DNM3: variants seen among roughly 807,000 people sequenced by gnomAD.
DNM3 encodes the protein dynamin 3, also known as dynamin-3.
In DNM3, 47 loss-of-function variants were observed where a neutral mutation model predicts 101.6. The observed-to-expected ratio is 0.46, with a 90% CI of 0.37 to 0.59. The LOEUF is 0.59. Among genes scored for constraint, DNM3 ranks in the 20% least tolerant of loss-of-function variants. The pLI, the probability that DNM3 is intolerant of heterozygous loss-of-function variation, is 0.00. For synonymous variants in DNM3, 385 were observed against 387.9 expected, an observed-to-expected ratio of 0.99 and a Z score of 0.09; for missense variants, 849 against 1,085.7, an observed-to-expected ratio of 0.78 and a Z score of 3.06.
At chr1:172,304,907 C>A (rs925285012) in intron 15 of DNM3, among the ~76,000 whole-genome samples, 1 of 152,120 alleles carries the variant, frequency 6.6e-6, no homozygotes, top group Middle Eastern at 3.2e-3. Context: ...ATTTATAGCA[C>A]TAAATGCCCA....
At chr1:171,974,217 ACAAT>A (rs2044216331) in intron 2 of DNM3, among the ~76,000 whole-genome samples, 2 of 152,238 alleles carry the variant, frequency 1.3e-5, no homozygotes, top group African/African-American at 4.8e-5. Flanking sequence ...ATATGATGAC[ACAAT>A]CAGATCACTG....
At chr1:172,235,263 T>C (rs1046675215) in intron 14 of DNM3, among the ~76,000 whole-genome samples, 13 of 152,266 alleles carry the variant, frequency 8.5e-5, no homozygotes, top group African/African-American at 1.7e-4. Context: ...TCATCACTGG[T>C]CATCAGAGAA....
intron 1 of DNM3, among the ~76,000 whole-genome samples, chr1:171,847,931 T>A (rs1289088276): frequency 1.3e-5 from 2 of 151,382 alleles, no homozygotes; most frequent in Non-Finnish European, 2.9e-5. Context: ...TGTGTGTGTG[T>A]GATCATAGGT....
In DNM3 at chr1:172,070,551, G is replaced by T. The variant is rs182031474; in HGVS notation, c.1422+1646G>T. ...ATTTGTAATCATATCTATGTCAGTTGCTAGCTTCTTCATATTTCAGAGTTT... is the reference window on the plus strand; with the variant it reads ...ATTTGTAATCATATCTATGTCAGTTTCTAGCTTCTTCATATTTCAGAGTTT... On this transcript the variant is annotated intron_variant, in intron 11 of 20. Coordinates refer to ENST00000627582, the MANE Select transcript of DNM3 (RefSeq NM_015569.5). Among the ~76,000 whole-genome samples, 69 of 152,222 alleles carry T rather than the reference G, an allele frequency of 4.5e-4. No homozygotes were observed. In the East Asian group the frequency reaches 9.7e-3, roughly 21 times the overall value.
intron 4 of DNM3, among the ~76,000 whole-genome samples, chr1:172,019,952 C>CTAAT (rs1402242088): frequency 6.6e-6 from 1 of 151,626 alleles, no homozygotes; most frequent in African/African-American, 2.4e-5. Context: ...ATAACTCTAA[C>CTAAT]ATTAGAGTTA....
chr1:171,989,600 A>AT (rs2045503796), intron 4 of DNM3, among the ~76,000 whole-genome samples: 1 of 152,118 alleles, frequency 6.6e-6, no homozygotes, highest in African/African-American at 2.4e-5. Flanking sequence ...GTAAGATATT[A>AT]TTTAGCTTAT....
At chr1:171,964,213 T>C (rs1236320644) in intron 2 of DNM3, among the ~76,000 whole-genome samples, 2 of 152,194 alleles carry the variant, frequency 1.3e-5, no homozygotes, top group African/African-American at 4.8e-5. Flanking sequence ...CCAGGTCTTT[T>C]TCCTGATCCA....
At chr1:172,169,670 T>C (rs1014128118) in intron 14 of DNM3, among the ~76,000 whole-genome samples, 5 of 151,910 alleles carry the variant, frequency 3.3e-5, no homozygotes, top group Admixed American at 3.3e-4. Context: ...CAGAAAGATC[T>C]AGGGTGACTT....
intron 14 of DNM3, among the ~76,000 whole-genome samples, chr1:172,167,613 T>C (rs1002101339): frequency 2.6e-5 from 4 of 152,132 alleles, no homozygotes; most frequent in Non-Finnish European, 5.9e-5. Context: ...ATCACCATTC[T>C]AACTGGTATG....
intron 4 of DNM3, among the ~76,000 whole-genome samples, chr1:172,009,948 C>G (rs553552772): frequency 1.3e-5 from 2 of 151,686 alleles, no homozygotes; most frequent in African/African-American, 2.4e-5. Flanking sequence ...ATATCCTTAA[C>G]TATATTTGTG....
At chr1:171,885,297 A>AT (rs971550014) in intron 1 of DNM3, among the ~76,000 whole-genome samples, 1 of 152,144 alleles carries the variant, frequency 6.6e-6, no homozygotes, top group African/African-American at 2.4e-5. Flanking sequence ...TCAAAATTTT[A>AT]TTTTTTACGG....
chr1:171,921,863 G>C, intron 2 of DNM3, 42 bp downstream of exon 2: 3 of 1,537,224 alleles, frequency 2.0e-6, no homozygotes, highest in Non-Finnish European at 2.7e-6. Context: ...GGCACATCCT[G>C]TGGCCCCTTT....
intron 4 of DNM3, among the ~76,000 whole-genome samples, chr1:172,003,707 C>A (rs1371305683): frequency 1.3e-5 from 2 of 151,530 alleles, no homozygotes; most frequent in Non-Finnish European, 2.9e-5. Flanking sequence ...ATGTAGATAT[C>A]TGGAGAGGTA....
intron 14 of DNM3, among the ~76,000 whole-genome samples, chr1:172,247,765 A>T (rs915112739): frequency 2.0e-5 from 3 of 151,588 alleles, no homozygotes; most frequent in Non-Finnish European, 2.9e-5. Context: ...GCTCACTGCA[A>T]CTTCTGCCTC....
intron 14 of DNM3, among the ~76,000 whole-genome samples, chr1:172,250,079 A>G (rs897048820): frequency 1.3e-5 from 2 of 152,180 alleles, no homozygotes; most frequent in Non-Finnish European, 2.9e-5. Flanking sequence ...TTTCAAATGT[A>G]ATGCACTTAT....
intron 20 of DNM3, among the ~76,000 whole-genome samples, chr1:172,402,292 A>G (rs1187009657): frequency 6.6e-6 from 1 of 152,138 alleles, no homozygotes; most frequent in Admixed American, 6.5e-5. Context: ...TTTATCATAA[A>G]TAAGTTTAAA....
At chr1:172,382,978 C>T (rs1013117531) in intron 18 of DNM3, among the ~76,000 whole-genome samples, 1 of 152,110 alleles carries the variant, frequency 6.6e-6, no homozygotes, top group Non-Finnish European at 1.5e-5. Context: ...TCAAAACTTA[C>T]TGTAACTTTA....
chr1:172,237,815 A>T (rs1214224821), intron 14 of DNM3, among the ~76,000 whole-genome samples: 1 of 152,214 alleles, frequency 6.6e-6, no homozygotes, highest in East Asian at 1.9e-4. Flanking sequence ...CTGATCAACA[A>T]CATTAATGTG....
chr1:171,881,373 T>C (rs2036253244), intron 1 of DNM3, among the ~76,000 whole-genome samples: 2 of 152,162 alleles, frequency 1.3e-5, no homozygotes, highest in South Asian at 4.1e-4. Flanking sequence ...TTTCAGGAAA[T>C]TAAAATTTAA....
Sources: gnomAD v4.1 joint callset for allele counts (sites outside exome capture counted in the v4.1 genomes callset) on GRCh38, gnomAD v4.1.1 for gene constraint, MANE v1.5 for transcripts, NCBI Gene and HGNC (gene_info 2026-07-23, HGNC 2026-07-21) for gene names.